The following ZFHX3 variants were observed in gnomAD, a reference collection of about 807,000 sequenced individuals.
ZFHX3 encodes zinc finger homeobox 3, also known as zinc finger homeobox protein 3.
A neutral mutation model predicts 279.1 loss-of-function variants in ZFHX3; 42 were observed. The observed-to-expected ratio is 0.15, with a 90% CI of 0.12 to 0.19. The LOEUF (loss-of-function observed/expected upper bound fraction) is 0.19, where lower values mean the gene tolerates loss of function less well. Ranked by LOEUF, ZFHX3 falls within the 10% of genes least tolerant of loss-of-function variation. The probability of loss-of-function intolerance (pLI) is 1.00; values close to 1 mark genes in which losing one functional copy is unlikely to be tolerated. For synonymous variants in ZFHX3, 2,293 were observed against 1,957.8 expected, an observed-to-expected ratio of 1.17 and a Z score of -4.52; for missense variants, 4,981 against 4,754.0, an observed-to-expected ratio of 1.05 and a Z score of -1.40.
At chr16:73,436,068 G>A (rs1439012478) in intron 3 of ZFHX3, among the ~76,000 whole-genome samples, 6 of 152,204 alleles carry the variant, frequency 3.9e-5, no homozygotes, top group Non-Finnish European at 8.8e-5. Flanking sequence ...GGTGGCTCAC[G>A]CCTGTAATCT....
intron 3 of ZFHX3, among the ~76,000 whole-genome samples, chr16:73,374,169 A>G (rs2016681756): frequency 6.6e-6 from 1 of 152,200 alleles, no homozygotes; most frequent in South Asian, 2.1e-4. Flanking sequence ...AGCAAAAGAG[A>G]GCAGGTGGGT....
At chr16:73,376,838 T>C (rs947837089) in intron 3 of ZFHX3, among the ~76,000 whole-genome samples, 3 of 152,228 alleles carry the variant, frequency 2.0e-5, no homozygotes, top group Non-Finnish European at 4.4e-5. Flanking sequence ...GTCAGAGAGT[T>C]GCTCCATGAT....
At chr16:73,166,519 C>A (rs1297138224) in intron 5 of ZFHX3, among the ~76,000 whole-genome samples, 1 of 151,962 alleles carries the variant, frequency 6.6e-6, no homozygotes, top group African/African-American at 2.4e-5. Context: ...TCAGCTCAAC[C>A]AATGGAAAGA....
intron 1 of ZFHX3, among the ~76,000 whole-genome samples, chr16:73,870,206 G>T (rs527339295): frequency 8.3e-4 from 126 of 152,260 alleles, no homozygotes; most frequent in African/African-American, 2.9e-3. Flanking sequence ...AAGGTTTGCT[G>T]TTTGCATTGT....
chr16:73,728,812 TAC>T (rs3049676), intron 1 of ZFHX3, among the ~76,000 whole-genome samples: 10,423 of 145,982 alleles, frequency 0.071, 606 homozygotes, highest in African/African-American at 0.16. Context: ...AATAACCCCC[TAC>T]ACACACACAC....
chr16:73,441,584 G>T (rs888919073), intron 3 of ZFHX3, among the ~76,000 whole-genome samples: 3 of 152,108 alleles, frequency 2.0e-5, no homozygotes, highest in Non-Finnish European at 4.4e-5. Flanking sequence ...CAAACTCCAA[G>T]CCAGGGGTAA....
At chr16:73,325,902 A>AACAC (rs112302302) in intron 3 of ZFHX3, among the ~76,000 whole-genome samples, 1,946 of 91,264 alleles carry the variant, frequency 0.021, 35 homozygotes, top group Non-Finnish European at 0.031. Context: ...CACACACACA[A>AACAC]ACACACACAC....
intron 1 of ZFHX3, among the ~76,000 whole-genome samples, chr16:73,800,495 G>T (rs946934138): frequency 2.0e-5 from 3 of 152,072 alleles, no homozygotes; most frequent in Non-Finnish European, 4.4e-5. Context: ...GCGATTACAG[G>T]CATGAGCCAC....
At chr16:72,989,165 C>T (rs1285400060) in intron 1 of ZFHX3, among the ~76,000 whole-genome samples, 5 of 149,906 alleles carry the variant, frequency 3.3e-5, no homozygotes, top group Admixed American at 6.6e-5. Flanking sequence ...GACAGCAAGA[C>T]GCTGTCTCAA....
intron 5 of ZFHX3, among the ~76,000 whole-genome samples, chr16:73,247,929 AGT>A (rs1187712513): frequency 2.8e-5 from 4 of 142,918 alleles, no homozygotes; most frequent in Non-Finnish European, 4.6e-5. Flanking sequence ...TTGTATGTGG[AGT>A]GTGTGTGTTC....
intron 4 of ZFHX3, among the ~76,000 whole-genome samples, chr16:72,837,682 T>TCTTGAACTC (rs1458974209): frequency 2.3e-4 from 35 of 151,840 alleles, no homozygotes; most frequent in African/African-American, 7.7e-4. Flanking sequence ...CCCAGGCTGG[T>TCTTGAACTC]CTTGAACTCC....
intron 2 of ZFHX3, among the ~76,000 whole-genome samples, chr16:73,509,592 T>A (rs1285572542): frequency 6.7e-6 from 1 of 149,230 alleles, no homozygotes; most frequent in Non-Finnish European, 1.5e-5. Context: ...TGGCACAATC[T>A]TGGCTCACTG....
At chr16:73,528,707 T>C (rs923018518) in intron 2 of ZFHX3, among the ~76,000 whole-genome samples, 1 of 152,242 alleles carries the variant, frequency 6.6e-6, no homozygotes, top group African/African-American at 2.4e-5. Flanking sequence ...GTAGTGACGA[T>C]GTGTTGGCCA....
At chr16:73,146,463 G>A (rs1156660408) in intron 5 of ZFHX3, among the ~76,000 whole-genome samples, 2 of 151,574 alleles carry the variant, frequency 1.3e-5, no homozygotes, top group Non-Finnish European at 2.9e-5. Context: ...AAAGGCATAC[G>A]GACCATGGAG....
chr16:73,394,944 G>T (rs2017097468), intron 3 of ZFHX3, among the ~76,000 whole-genome samples: 1 of 152,134 alleles, frequency 6.6e-6, no homozygotes, highest in African/African-American at 2.4e-5. Context: ...GTAAAGCCAG[G>T]ACTTGAACCC....
intron 3 of ZFHX3, among the ~76,000 whole-genome samples, chr16:72,910,653 T>C (rs557915218): frequency 6.6e-6 from 1 of 152,276 alleles, no homozygotes; most frequent in South Asian, 2.1e-4. Context: ...AATCTAGAGA[T>C]GGCAAATTGG....
chr16:73,087,889 A>G (rs369796817), intron 8 of ZFHX3, among the ~76,000 whole-genome samples: 33 of 150,084 alleles, frequency 2.2e-4, no homozygotes, highest in African/African-American at 7.1e-4. Flanking sequence ...GTGCAGTGAT[A>G]TGGTCTTGGC....
At chr16:72,925,393 C>T (rs2144259719) in intron 3 of ZFHX3, among the ~76,000 whole-genome samples, 1 of 152,360 alleles carries the variant, frequency 6.6e-6, no homozygotes, top group South Asian at 2.1e-4. Flanking sequence ...CTTGAGGTCC[C>T]TAACTCTGGA....
intron 3 of ZFHX3, among the ~76,000 whole-genome samples, chr16:72,893,230 G>C (rs560467407): frequency 6.6e-6 from 1 of 152,308 alleles, no homozygotes; most frequent in African/African-American, 2.4e-5. Flanking sequence ...AGAGATTTTG[G>C]AGGTAGAATA....
Sources: allele counts gnomAD v4.1 joint callset (sites outside exome capture counted in the v4.1 genomes callset), GRCh38; gene constraint gnomAD v4.1.1; transcripts MANE v1.5; gene names NCBI Gene and HGNC (gene_info 2026-07-23, HGNC 2026-07-21).